Variants in GNAT3 observed in about 807,000 individuals in gnomAD.
GNAT3 encodes guanine nucleotide-binding protein G(t) subunit alpha-3.
Under a neutral mutation model 37.7 loss-of-function variants are expected in GNAT3, and 31 were observed. The observed-to-expected ratio is 0.82, with a 90% CI of 0.62 to 1.11. GNAT3 has a LOEUF of 1.11. GNAT3 is among the 50% of genes most tolerant of loss of function. GNAT3 has a pLI of 0.00. For synonymous variants in GNAT3, 138 were observed against 139.8 expected (o/e 0.99, Z 0.09); for missense variants, 437 against 412.5 (o/e 1.06, Z -0.51).
At chr7:80,469,688 T>C (rs1184827352) in intron 5 of GNAT3, among the ~76,000 whole-genome samples, 2 of 152,142 alleles carry the variant, frequency 1.3e-5, no homozygotes, top group African/African-American at 4.8e-5. Flanking sequence ...TAAGACATCT[T>C]ATGCTATGTG....
chr7:80,458,855 T>G lies in GNAT3; in HGVS notation c.881A>C (p.Asn294Thr), dbSNP rs1213827900. 6.4e-7 allele frequency: 1 copy of G among 1,570,718 alleles called. No individual in the cohort carries two copies. The highest frequency in any genetic ancestry group is 8.6e-7 in the Non-Finnish European group (1 of 1,161,340). ...SICFPEYTGP[N>T]TFEDAGNYIK... ...GTAGTTTCCTGCATCTTCAAATGTATTTGGCCCTTGTTAAACAAAATATTT... is the reference window on the plus strand; with the variant it reads ...GTAGTTTCCTGCATCTTCAAATGTAGTTGGCCCTTGTTAAACAAAATATTT... The change falls in exon 8 of 8, where the codon AAT (asparagine) becomes ACT (threonine). Residue 294 changes from asparagine to threonine, a missense_variant. Physicochemically the swap from Asn to Thr is moderately conservative, Grantham distance 65 (BLOSUM62 0). Coordinates refer to ENST00000398291, the MANE Select transcript of GNAT3 (RefSeq NM_001102386.3).
rs1483115199 is a variant in GNAT3 at position 80,511,903 on chromosome 7, C to G, written c.24G>C (p.Glu8Asp). MGSGISS[E>D]SKESAKRSKE... ...TTGATCTTTTGGCTGACTCCTTGCT[C>G]TCTGAACTAATTCCACTTCCCATCT... The change falls in exon 1 of 8, where the codon GAG becomes GAC. Residue 8 changes from glutamate (E) to aspartate (D), a missense_variant. Transcript: ENST00000398291. 6.2e-7 allele frequency: 1 copy of G among 1,611,150 alleles called. No individual in the cohort carries two copies. The highest frequency in any genetic ancestry group is 1.1e-5 in the South Asian group (1 of 90,720).
intron 4 of GNAT3, among the ~76,000 whole-genome samples, chr7:80,475,598 A>T (rs1404325460): frequency 6.6e-6 from 1 of 152,118 alleles, no homozygotes; most frequent in East Asian, 1.9e-4. Context: ...GTGAGGTAGA[A>T]TCCAGCTGAA....
At chr7:80,474,997 G>A (rs961470479) in intron 4 of GNAT3, among the ~76,000 whole-genome samples, 9 of 151,978 alleles carry the variant, frequency 5.9e-5, no homozygotes, top group African/African-American at 2.2e-4. Context: ...TCTAGTTAGC[G>A]CAATAAAAGA....
intron 1 of GNAT3, among the ~76,000 whole-genome samples, chr7:80,508,598 T>C (rs947762462): frequency 6.6e-6 from 1 of 152,200 alleles, no homozygotes; most frequent in African/African-American, 2.4e-5. Context: ...TGCTCAGCAA[T>C]GTATGAGTCA....
intron 3 of GNAT3, among the ~76,000 whole-genome samples, chr7:80,485,629 G>A (rs546454503): frequency 4.0e-5 from 6 of 151,870 alleles, no homozygotes; most frequent in South Asian, 2.1e-4. Context: ...CTACATCCCC[G>A]GTGTCCAACT....
intron 1 of GNAT3, among the ~76,000 whole-genome samples, chr7:80,500,572 A>G (rs1403786277): frequency 6.6e-6 from 1 of 152,086 alleles, no homozygotes; most frequent in African/African-American, 2.4e-5. Flanking sequence ...TATTCTGTTA[A>G]CAGGAAACCT....
chr7:80,473,130 G>T (rs1398972546), intron 5 of GNAT3, among the ~76,000 whole-genome samples: 1 of 152,166 alleles, frequency 6.6e-6, no homozygotes, highest in Non-Finnish European at 1.5e-5. Flanking sequence ...GTGAAGCCAA[G>T]ACTGACGACA....
intron 4 of GNAT3, among the ~76,000 whole-genome samples, chr7:80,478,323 T>C (rs1228312616): frequency 6.6e-6 from 1 of 152,228 alleles, no homozygotes; most frequent in Non-Finnish European, 1.5e-5. Flanking sequence ...GTGAAATTTA[T>C]AGAATTTTTT....
At chr7:80,498,985 T>C (rs1203215135) in intron 1 of GNAT3, among the ~76,000 whole-genome samples, 3 of 152,202 alleles carry the variant, frequency 2.0e-5, no homozygotes, top group Non-Finnish European at 4.4e-5. Context: ...TGAACTTCAA[T>C]TGAACACACA....
intron 1 of GNAT3, among the ~76,000 whole-genome samples, chr7:80,508,722 C>T (rs1322878896): frequency 3.9e-5 from 6 of 151,948 alleles, no homozygotes; most frequent in African/African-American, 1.4e-4. Flanking sequence ...CATCTGTCTG[C>T]AAGATGATCC....
intron 5 of GNAT3, among the ~76,000 whole-genome samples, chr7:80,473,605 C>CA (rs1790254982): frequency 6.6e-6 from 1 of 151,998 alleles, no homozygotes; most frequent in South Asian, 2.1e-4. Flanking sequence ...ACAATCCATA[C>CA]AAAAAGGTAT....
intron 3 of GNAT3, among the ~76,000 whole-genome samples, chr7:80,480,924 C>T (rs980769067): frequency 3.9e-5 from 6 of 152,112 alleles, no homozygotes; most frequent in African/African-American, 1.4e-4. Context: ...GGGTCTCATT[C>T]TCATTTTCCT....
chr7:80,509,080 A>T (rs994740147), intron 1 of GNAT3, among the ~76,000 whole-genome samples: 13 of 152,050 alleles, frequency 8.5e-5, no homozygotes, highest in Non-Finnish European at 1.8e-4. Context: ...GATGGGAAAA[A>T]TTAAATAGAT....
intron 5 of GNAT3, among the ~76,000 whole-genome samples, chr7:80,464,897 G>A (rs924356563): frequency 6.6e-6 from 1 of 152,128 alleles, no homozygotes; most frequent in South Asian, 2.1e-4. Flanking sequence ...TGAAGATAAT[G>A]GTTAAGAGTT....
At chr7:80,467,978 GTTA>G (rs904042167) in intron 5 of GNAT3, among the ~76,000 whole-genome samples, 3 of 151,348 alleles carry the variant, frequency 2.0e-5, no homozygotes, top group African/African-American at 7.3e-5. Flanking sequence ...TATGTATTTT[GTTA>G]TTAAGTCTGA....
At chr7:80,504,623 A>AT (rs1157968644) in intron 1 of GNAT3, among the ~76,000 whole-genome samples, 1 of 152,246 alleles carries the variant, frequency 6.6e-6, no homozygotes, top group Non-Finnish European at 1.5e-5. Flanking sequence ...CCAATAGATA[A>AT]TTTTGAAGAT....
intron 7 of GNAT3, among the ~76,000 whole-genome samples, chr7:80,461,254 A>G (rs1790044611): frequency 6.6e-6 from 1 of 152,144 alleles, no homozygotes; most frequent in African/African-American, 2.4e-5. Context: ...TTTTTGTTTA[A>G]ATCATAAATA....
At chr7:80,466,012 T>G (rs1485505482) in intron 5 of GNAT3, among the ~76,000 whole-genome samples, 2 of 152,130 alleles carry the variant, frequency 1.3e-5, no homozygotes, top group Non-Finnish European at 2.9e-5. Context: ...AACCACCCTT[T>G]CTAACCCCAC....
Sources: allele counts gnomAD v4.1 joint callset (sites outside exome capture counted in the v4.1 genomes callset), GRCh38; gene constraint gnomAD v4.1.1; transcripts MANE v1.5; gene names NCBI Gene and HGNC (gene_info 2026-07-23, HGNC 2026-07-21).